Variants in DYNC1H1 observed in about 807,000 individuals in gnomAD.
The protein encoded by DYNC1H1 is dynein cytoplasmic 1 heavy chain 1.
DYNC1H1 carries 51 observed loss-of-function variants against 527.1 expected under a neutral mutation model. That is an observed-to-expected ratio of 0.10 (90% CI 0.08 to 0.12). The LOEUF is 0.12. Ranked by LOEUF, DYNC1H1 falls within the 10% of genes least tolerant of loss-of-function variation. The pLI, the probability that DYNC1H1 is intolerant of heterozygous loss-of-function variation, is 1.00. For synonymous variants in DYNC1H1, 2,189 were observed against 2,278.8 expected (o/e 0.96, Z 1.12); for missense variants, 2,771 against 5,971.8 (o/e 0.46, Z 17.66).
chr14:102,034,078 G>C lies in DYNC1H1; in HGVS notation c.10516G>C (p.Asp3506His). The C allele has an allele frequency of 6.2e-7, 1 of 1,614,170 alleles. No individual in the cohort carries two copies. The highest frequency in any genetic ancestry group is 8.5e-7 in the Non-Finnish European group (1 of 1,180,046). Residue 3506 changes from aspartate (D) to histidine (H), a missense_variant, in exon 55 of 78, where the codon GAC becomes CAC. By Grantham distance (81) the Asp-to-His change is moderately conservative (BLOSUM62 -1). Around this residue, in one of 32 missense-constraint regions of DYNC1H1, gnomAD observed 283 missense variants for 737.6 expected, o/e 0.38. Transcript: ENST00000360184. ...FKNQMSTIAG[D>H]CLLSAAFIAY... ...AAACCAGATGTCCACCATTGCTGGG[G>C]ACTGTCTCTTGTCAGCTGCGTTCAT... is the stretch of plus-strand genomic sequence containing the variant.
chr14:101,981,837 C>G (rs2047868738), intron 5 of DYNC1H1, among the ~76,000 whole-genome samples: 1 of 152,150 alleles, frequency 6.6e-6, no homozygotes. Flanking sequence ...TTTCGTGATT[C>G]CATGTCCTTA....
chr14:101,996,934 T>G, intron 15 of DYNC1H1, 101 bp from the exon 16 acceptor site: 1 of 1,508,232 alleles, frequency 6.6e-7, no homozygotes, highest in East Asian at 2.5e-5. Context: ...GTCTTACGTG[T>G]TTTATAACTA....
At position 102,033,035 on chromosome 14, in the gene DYNC1H1, G is replaced by A. The variant is rs989744829; in HGVS notation, c.10080-30G>A. The stretch of plus-strand genomic sequence containing the variant: ...ACTCTTCCTTGCTTTTGTCCTGCAT[G>A]TGTTTAGAAATATCATTCGTCTTTT... On this transcript the variant is annotated intron_variant, in intron 52 of 77. Coordinates refer to ENST00000360184, the MANE Select transcript of DYNC1H1 (RefSeq NM_001376.5). This position sits in a 1 kb window ranked among gnomAD's most constrained non-coding sequence, Gnocchi z 5.6. The A allele has an allele frequency of 1.9e-6, 3 of 1,598,874 alleles. No homozygotes were observed. Among genetic ancestry groups the A allele is most frequent in the African/African-American group, 1.3e-5 (1 of 74,548 alleles).
intron 69 of DYNC1H1, 198 bp from the exon 70 acceptor site, chr14:102,043,677 G>A: frequency 1.5e-6 from 1 of 657,192 alleles, no homozygotes; most frequent in Non-Finnish European, 2.6e-6. Context: ...AATAAATTCT[G>A]ATGGTCTCAT....
rs746731248 is a variant in DYNC1H1 at position 102,010,705 on chromosome 14, G to T, written c.6406-35G>T. 2.7e-5 allele frequency: 43 copies of T among 1,610,530 alleles called. No individual in the cohort carries two copies. Among genetic ancestry groups the T allele is most frequent in the Non-Finnish European group, 3.6e-5 (42 of 1,178,714 alleles). On this transcript the variant is annotated intron_variant, in intron 31 of 77. Transcript: ENST00000360184. This position sits in a 1 kb window ranked among gnomAD's most constrained non-coding sequence, Gnocchi z 6.0. The stretch of plus-strand genomic sequence containing the variant: ...ATGCAGCGGGCAGTACTTGAGCCAT[G>T]CTGCGCTGCTCACAGCCCAGCCCTC...
chr14:101,998,553 G>A (rs2048091639), intron 16 of DYNC1H1, among the ~76,000 whole-genome samples: 1 of 152,198 alleles, frequency 6.6e-6, no homozygotes, highest in African/African-American at 2.4e-5. Flanking sequence ...ATATTAATCT[G>A]TTTTTCTCAT....
intron 34 of DYNC1H1, among the ~76,000 whole-genome samples, chr14:102,013,948 T>G (rs576507732): frequency 6.6e-6 from 1 of 152,300 alleles, no homozygotes; most frequent in South Asian, 2.1e-4. Context: ...ATGCGAGGTT[T>G]CTGGCCTGAT....
At chr14:101,998,879 C>CTTTTTT (rs888317854) in intron 16 of DYNC1H1, among the ~76,000 whole-genome samples, 11,455 of 114,338 alleles carry the variant, frequency 0.1, 769 homozygotes, top group African/African-American at 0.16. Flanking sequence ...AAAACTTTTT[C>CTTTTTT]TTTTTTTTTT....
At chr14:101,989,497 A>C (rs1241901233) in intron 10 of DYNC1H1, among the ~76,000 whole-genome samples, 1 of 152,258 alleles carries the variant, frequency 6.6e-6, no homozygotes, top group African/African-American at 2.4e-5. Flanking sequence ...CTGTGTAAGT[A>C]GGCCCTATCT....
rs1358971449 is a variant in DYNC1H1, at chr14:101,975,774, A to G, written c.319A>G (p.Ile107Val). ...CATTTCCTATAACATCAACATAGACATTCATTATGGGGTTAAATCCAATAG... is the reference window on the plus strand; with the variant it reads ...CATTTCCTATAACATCAACATAGACGTTCATTATGGGGTTAAATCCAATAG... ...EFISYNINID[I>V]HYGVKSNSLA... is the part of the protein sequence containing the mutation. The change falls in exon 2 of 78, where the codon ATT becomes GTT. Residue 107 changes from isoleucine (I) to valine (V), a missense_variant. Ile to Val is a conservative substitution (Grantham distance 29). Transcript: ENST00000360184. 3.7e-6 allele frequency: 6 copies of G among 1,613,380 alleles called. No homozygotes were observed. Among genetic ancestry groups the G allele is most frequent in the Non-Finnish European group, 5.1e-6 (6 of 1,179,462 alleles).
At chr14:101,999,558 T>A (rs117570062) in intron 16 of DYNC1H1, among the ~76,000 whole-genome samples, 65 of 152,364 alleles carry the variant, frequency 4.3e-4, no homozygotes, top group Non-Finnish European at 6.9e-4. Context: ...AATGCTGAAG[T>A]AGAGTCTGTT....
At chr14:102,008,154 C>A in intron 28 of DYNC1H1, 24 bp from the exon 29 acceptor site, 2 of 1,612,988 alleles carry the variant, frequency 1.2e-6, no homozygotes, top group South Asian at 1.1e-5. Flanking sequence ...GTGGTTTTAG[C>A]GCCTTTCTTC....
intron 34 of DYNC1H1, among the ~76,000 whole-genome samples, chr14:102,013,346 A>T (rs1217114978): frequency 6.6e-6 from 1 of 151,978 alleles, no homozygotes; most frequent in Non-Finnish European, 1.5e-5. Context: ...TGGTGCAAAG[A>T]AAAAAATGGA....
chr14:102,030,134 C>A, intron 50 of DYNC1H1, 28 bp from the exon 51 acceptor site: 1 of 1,613,838 alleles, frequency 6.2e-7, no homozygotes, highest in South Asian at 1.1e-5. Flanking sequence ...AATGCTTAAC[C>A]CATACCTAAG....
In DYNC1H1 at chr14:101,985,896, C is replaced by T. The variant is rs779414451; in HGVS notation, c.1671C>T (p.Ile557=). The change falls in exon 8 of 78, where the codon ATC becomes ATT. Residue 557 remains isoleucine (I), a synonymous_variant. Coordinates refer to ENST00000360184, the MANE Select transcript of DYNC1H1 (RefSeq NM_001376.5). This position sits in a 1 kb window ranked among gnomAD's most constrained non-coding sequence, Gnocchi z 5.9. The stretch of plus-strand genomic sequence containing the variant: ...CTATGAAGAGGTACGATGAGAGGAT[C>T]GACAGAGTGGAGACCCGGATCACCG... The part of the protein sequence containing the change: ...EAAMKRYDER[I]DRVETRITAR... 3.1e-6 allele frequency: 5 copies of T among 1,614,160 alleles called. No homozygotes were observed. The highest frequency in any genetic ancestry group is 1.1e-5 in the South Asian group (1 of 91,080).
At chr14:102,007,236 G>A (rs1017574728) in intron 28 of DYNC1H1, 128 bp downstream of exon 28, 2 of 884,304 alleles carry the variant, frequency 2.3e-6, no homozygotes, top group South Asian at 1.4e-5. Flanking sequence ...GGCCTCCTGA[G>A]TCCTGTAGTA....
Position 102,015,250 on chromosome 14 carries a change from T to C in DYNC1H1, c.7160T>C (p.Leu2387Pro), listed in dbSNP as rs1285741549. 6.2e-7 allele frequency: 1 copy of C among 1,614,166 alleles called. No individual in the cohort carries two copies. The highest frequency in any genetic ancestry group is 8.5e-7 in the Non-Finnish European group (1 of 1,180,030). ...NFLARLRSIP[L>P]DEGEDEAQRR... Reference sequence around the variant, plus strand: ...CTGGCCAGGCTGCGCAGCATCCCGCTGGATGAAGGGGAGGATGAGGCACAG... The same window carrying C: ...CTGGCCAGGCTGCGCAGCATCCCGCCGGATGAAGGGGAGGATGAGGCACAG... The change falls in exon 35 of 78, where the codon CTG becomes CCG. Residue 2387 changes from leucine (L) to proline (P), a missense_variant. Leu to Pro is a moderately conservative substitution (Grantham distance 98). Around this residue, in one of 32 missense-constraint regions of DYNC1H1, gnomAD observed 122 missense variants for 168.4 expected, o/e 0.72. Coordinates refer to ENST00000360184, the MANE Select transcript of DYNC1H1 (RefSeq NM_001376.5). This position sits in a 1 kb window ranked among gnomAD's most constrained non-coding sequence, Gnocchi z 6.9.
Position 101,979,894 on chromosome 14 carries a change from T to C in DYNC1H1, c.694T>C (p.Phe232Leu), listed in dbSNP as rs1301539761. Residue 232 changes from phenylalanine to leucine, a missense_variant, in exon 4 of 78, where the codon TTT becomes CTT. Transcript: ENST00000360184. This position sits in a 1 kb window ranked among gnomAD's most constrained non-coding sequence, Gnocchi z 4.6. ...TGGAGAAAAGCCAAAAGTTACAGAC[T>C]TTGGTGATAAGGTTGAAGACCCAAC... Reference protein sequence around the residue: ...ERGEKPKVTDFGDKVEDPTFL... With the variant: ...ERGEKPKVTDLGDKVEDPTFL... 5 of 1,614,086 alleles carry C rather than the reference T, an allele frequency of 3.1e-6. No homozygotes were observed. Among genetic ancestry groups the C allele is most frequent in the East Asian group, 2.2e-5 (1 of 44,904 alleles).
chr14:102,025,213 T>G (rs1567016130), intron 43 of DYNC1H1, among the ~76,000 whole-genome samples: 1 of 151,844 alleles, frequency 6.6e-6, no homozygotes, highest in Non-Finnish European at 1.5e-5. Flanking sequence ...AAGACCAGCC[T>G]TACCAACATG....
Sources: allele counts gnomAD v4.1 joint callset (sites outside exome capture counted in the v4.1 genomes callset), GRCh38; gene constraint gnomAD v4.1.1; regional missense constraint gnomAD v4.1.1; non-coding constraint Gnocchi (gnomAD v3.1); transcripts MANE v1.5; gene names NCBI Gene and HGNC (gene_info 2026-07-23, HGNC 2026-07-21).